The following PCDHGA3 variants were observed in gnomAD, a reference collection of about 807,000 sequenced individuals.
The protein encoded by PCDHGA3 is protocadherin gamma-A3.
Under a neutral mutation model 58.5 loss-of-function variants are expected in PCDHGA3, and 40 were observed. The observed-to-expected ratio is 0.68, with a 90% CI of 0.53 to 0.89. PCDHGA3 has a LOEUF of 0.89. Ranked by LOEUF, PCDHGA3 falls within the 40% of genes least tolerant of loss-of-function variation. PCDHGA3 has a pLI of 0.00. For synonymous variants in PCDHGA3, 530 were observed against 525.7 expected, an observed-to-expected ratio of 1.01 and a Z score of -0.11; for missense variants, 1,223 against 1,195.9, an observed-to-expected ratio of 1.02 and a Z score of -0.33.
rs750774158 is a variant in PCDHGA3 at position 141,389,140 on chromosome 5, C to A, written c.2424+42683C>A. 3.1e-6 allele frequency: 5 copies of A among 1,613,878 alleles called. No homozygotes were observed. In the Admixed American group the frequency reaches 8.3e-5, roughly 27 times the overall value. On this transcript the variant is annotated intron_variant, in intron 1 of 3. Coordinates refer to ENST00000253812, the MANE Select transcript of PCDHGA3 (RefSeq NM_018916.4). ...GAGCAGAATCCAGAGTACAATATAA[C>A]CGTTACGGCAACAGATCGGGGCAAG...
At chr5:141,413,148 C>G (rs370253778) in intron 1 of PCDHGA3, 10 of 1,570,530 alleles carry the variant, frequency 6.4e-6, no homozygotes, top group Middle Eastern at 1.7e-4. Flanking sequence ...CCAGTGAGGA[C>G]TTTGCAGAAT....
Position 141,510,866 on chromosome 5 carries a change from C to G in PCDHGA3, c.2573-81C>G. 1.9e-6 allele frequency: 3 copies of G among 1,607,908 alleles called. No homozygotes were observed. The East Asian group carries it at 6.7e-5, about 36-fold the overall frequency. ...AGGCCCAGGGTGCTGTATAGGCATT[C>G]ATTAACTGCTGGGGATATAAGACAG... On this transcript the variant is annotated intron_variant, in intron 3 of 3. Coordinates refer to ENST00000253812, the MANE Select transcript of PCDHGA3 (RefSeq NM_018916.4).
intron 1 of PCDHGA3, chr5:141,430,854 G>A (rs140440273): frequency 5.0e-6 from 8 of 1,587,648 alleles, no homozygotes; most frequent in Middle Eastern, 1.7e-4. Flanking sequence ...ACCCAGATAC[G>A]CTATTCAGTT....
At chr5:141,434,683 T>A (rs1057301534) in intron 1 of PCDHGA3, among the ~76,000 whole-genome samples, 8 of 152,248 alleles carry the variant, frequency 5.3e-5, no homozygotes, top group Non-Finnish European at 5.9e-5. Flanking sequence ...AATGACTGGC[T>A]TGCTGTTAAT....
At position 141,344,189 on chromosome 5, in the gene PCDHGA3, G is replaced by A. The variant is rs1561487340; in HGVS notation, c.156G>A (p.Leu52=). Residue 52 remains leucine, a synonymous_variant, in exon 1 of 4, where the codon CTG becomes CTA. Transcript: ENST00000253812. ...GSFVGNIAND[L]GLEPRELAER... is the part of the protein sequence containing the mutation. ...TCGTGGGCAACATCGCTAACGACCT[G>A]GGGCTAGAGCCCCGGGAGCTGGCGG... 1 of 1,614,024 alleles carries A rather than the reference G, an allele frequency of 6.2e-7. No individual in the cohort carries two copies. The highest frequency in any genetic ancestry group is 1.7e-5 in the Admixed American group (1 of 60,032).
chr5:141,506,380 T>C (rs1209879935), intron 3 of PCDHGA3, among the ~76,000 whole-genome samples: 1 of 141,314 alleles, frequency 7.1e-6, no homozygotes, highest in Non-Finnish European at 1.5e-5. Flanking sequence ...ACCTGGGAGG[T>C]GGCTGTGGTG....
At chr5:141,438,631 TATATACAC>T (rs1213304454) in intron 1 of PCDHGA3, among the ~76,000 whole-genome samples, 683 of 43,114 alleles carry the variant, frequency 0.016, 2 homozygotes, top group African/African-American at 0.049. Context: ...TATATATATA[TATATACAC>T]ACACACACAC....
chr5:141,425,881 A>T (rs911454948), intron 1 of PCDHGA3, among the ~76,000 whole-genome samples: 1 of 152,230 alleles, frequency 6.6e-6, no homozygotes, highest in Non-Finnish European at 1.5e-5. Flanking sequence ...TCTCTAAGGA[A>T]TCTTCTTTGG....
chr5:141,375,542 G>GTC (rs767363908), intron 1 of PCDHGA3: 3 of 1,613,976 alleles, frequency 1.9e-6, no homozygotes, highest in Non-Finnish European at 2.5e-6. Flanking sequence ...GAACGCCCAA[G>GTC]TCTCCTACTC....
At chr5:141,505,993 T>TGCGA (rs2099849805) in intron 3 of PCDHGA3, among the ~76,000 whole-genome samples, 1 of 152,188 alleles carries the variant, frequency 6.6e-6, no homozygotes, top group African/African-American at 2.4e-5. Context: ...CTCCTCTTTA[T>TGCGA]GCGAGGCTCC....
At chr5:141,407,336 G>C (rs1005803062) in intron 1 of PCDHGA3, among the ~76,000 whole-genome samples, 1 of 152,124 alleles carries the variant, frequency 6.6e-6, no homozygotes, top group South Asian at 2.1e-4. Context: ...ATATTGAAAT[G>C]TATGTTAATT....
intron 1 of PCDHGA3, chr5:141,355,396 A>T (rs1561508735): frequency 6.2e-7 from 1 of 1,614,080 alleles, no homozygotes; most frequent in Non-Finnish European, 8.5e-7. Context: ...CGGAGTCCGC[A>T]TCGTCTCCAG....
At chr5:141,425,524 G>C (rs2096881323) in intron 1 of PCDHGA3, among the ~76,000 whole-genome samples, 1 of 152,184 alleles carries the variant, frequency 6.6e-6, no homozygotes, top group Non-Finnish European at 1.5e-5. Context: ...GATGAAACAT[G>C]AAACAATAAT....
intron 1 of PCDHGA3, among the ~76,000 whole-genome samples, chr5:141,464,454 A>G (rs999305559): frequency 6.6e-6 from 1 of 151,542 alleles, no homozygotes; most frequent in Non-Finnish European, 1.5e-5. Context: ...TGTTGTTGTT[A>G]TTTTTGAAGT....
At chr5:141,361,241 T>A in intron 1 of PCDHGA3, 2 of 1,613,960 alleles carry the variant, frequency 1.2e-6, no homozygotes, top group Non-Finnish European at 1.7e-6. Flanking sequence ...ATCGCCTTGA[T>A]AAAAACGAGA....
rs2099455203 is a variant in PCDHGA3 at position 141,478,427 on chromosome 5, C to T, written c.2425-16380C>T. The T allele has an allele frequency of 1.9e-6, 3 of 1,613,742 alleles. No individual in the cohort carries two copies. Among genetic ancestry groups the T allele is most frequent in the Non-Finnish European group, 2.5e-6 (3 of 1,180,014 alleles). On this transcript the variant is annotated intron_variant, in intron 1 of 3. Coordinates refer to ENST00000253812, the MANE Select transcript of PCDHGA3 (RefSeq NM_018916.4). ...CACCACGGACTCCCGCCGCAGCGAC[C>T]CGCTGCTGAAGAAACCTGGTGCAGC...
At chr5:141,348,388 G>A (rs1245870631) in intron 1 of PCDHGA3, among the ~76,000 whole-genome samples, 2 of 152,024 alleles carry the variant, frequency 1.3e-5, no homozygotes, top group Admixed American at 1.3e-4. Context: ...GGGCAACATA[G>A]CATGACCCTG....
chr5:141,410,664 A>G, intron 1 of PCDHGA3: 1 of 1,570,058 alleles, frequency 6.4e-7, no homozygotes, highest in Non-Finnish European at 8.6e-7. Context: ...ATAGTCTACT[A>G]GTTTCTCATA....
At chr5:141,433,362 T>C (rs1285511534) in intron 1 of PCDHGA3, 6 of 299,814 alleles carry the variant, frequency 2.0e-5, no homozygotes, top group Non-Finnish European at 2.5e-5. Flanking sequence ...TGTCTGCCTA[T>C]CTATCTATCT....
Sources: allele counts gnomAD v4.1 joint callset (sites outside exome capture counted in the v4.1 genomes callset), GRCh38; gene constraint gnomAD v4.1.1; transcripts MANE v1.5; gene names NCBI Gene and HGNC (gene_info 2026-07-23, HGNC 2026-07-21).